The following NHSL1 variants were observed in gnomAD, a reference collection of about 807,000 sequenced individuals.
NHSL1 encodes the protein NHS-like protein 1.
NHSL1 carries 48 observed loss-of-function variants against 95.0 expected under a neutral mutation model. That is an observed-to-expected ratio of 0.51 (90% CI 0.40 to 0.64). The LOEUF (loss-of-function observed/expected upper bound fraction) is 0.64, where lower values mean the gene tolerates loss of function less well. NHSL1 is among the 30% of genes least tolerant of loss of function. NHSL1 has a pLI of 0.00. For synonymous variants in NHSL1, 783 were observed against 833.9 expected, an observed-to-expected ratio of 0.94 and a Z score of 1.05; for missense variants, 1,971 against 2,077.7, an observed-to-expected ratio of 0.95 and a Z score of 1.00.
chr6:138,687,128 C>T (rs1012680761), intron 1 of NHSL1, among the ~76,000 whole-genome samples: 2 of 152,058 alleles, frequency 1.3e-5, no homozygotes, highest in African/African-American at 4.8e-5. Context: ...ACAAAAACAG[C>T]CATACAACCT....
intron 1 of NHSL1, among the ~76,000 whole-genome samples, chr6:138,609,521 T>C (rs1284531319): frequency 1.3e-5 from 2 of 151,894 alleles, no homozygotes; most frequent in Admixed American, 1.3e-4. Flanking sequence ...GAGGCCGAGG[T>C]GGGCGGATCA....
chr6:138,655,720 A>G (rs751919670), intron 1 of NHSL1, among the ~76,000 whole-genome samples: 7 of 152,220 alleles, frequency 4.6e-5, no homozygotes, highest in African/African-American at 7.2e-5. Flanking sequence ...ATGAAGTACT[A>G]CCACTTTGAT....
intron 2 of NHSL1, among the ~76,000 whole-genome samples, chr6:138,486,657 G>C (rs1779749831): frequency 6.6e-6 from 1 of 151,974 alleles, no homozygotes; most frequent in Non-Finnish European, 1.5e-5. Context: ...TTGTTCCCCG[G>C]CTTTGACTCT....
chr6:138,567,411 G>A (rs944609165), intron 1 of NHSL1, among the ~76,000 whole-genome samples: 3 of 152,124 alleles, frequency 2.0e-5, no homozygotes, highest in African/African-American at 4.8e-5. Flanking sequence ...TAACAAGCAT[G>A]AGCCACCACG....
At chr6:138,586,251 C>T (rs778132186) in intron 1 of NHSL1, among the ~76,000 whole-genome samples, 1 of 152,012 alleles carries the variant, frequency 6.6e-6, no homozygotes, top group African/African-American at 2.4e-5. Context: ...CCTACCACAA[C>T]ATCCAGCTAA....
chr6:138,471,906 C>T (rs182260416), intron 3 of NHSL1, among the ~76,000 whole-genome samples: 42 of 152,142 alleles, frequency 2.8e-4, no homozygotes, highest in East Asian at 1.7e-3. Flanking sequence ...AGACCAGGCG[C>T]GGTGACTCAT....
chr6:138,571,966 G>GT (rs1783856533), exon 1 of NHSL1: 5 of 1,475,626 alleles, frequency 3.4e-6, no homozygotes, highest in East Asian at 2.5e-5. Context: ...AAAACGCTGG[G>GT]TTTTTTGCGT....
intron 4 of NHSL1, among the ~76,000 whole-genome samples, chr6:138,442,576 T>A (rs1341040450): frequency 2.0e-5 from 3 of 152,216 alleles, no homozygotes; most frequent in Non-Finnish European, 4.4e-5. Flanking sequence ...TAATAAAGAT[T>A]TCTTGAATGA....
chr6:138,646,790 T>C (rs1785026398), intron 1 of NHSL1, among the ~76,000 whole-genome samples: 1 of 152,194 alleles, frequency 6.6e-6, no homozygotes, highest in African/African-American at 2.4e-5. Flanking sequence ...GTGACTCTGC[T>C]CTCCTGCAGC....
At chr6:138,587,631 G>C (rs558022910) in intron 1 of NHSL1, among the ~76,000 whole-genome samples, 1 of 151,940 alleles carries the variant, frequency 6.6e-6, no homozygotes. Context: ...GTTAAAAGCT[G>C]ATTCTGTGTT....
rs1166987060 is a variant in NHSL1, at chr6:138,570,185, G to A, written c.202+1525C>T. Reference sequence around the variant, plus strand: ...AAATCCTACAGCCTCATGCTCACATGTATACAGTCGTTAACAGAGACTTGA... The same window carrying A: ...AAATCCTACAGCCTCATGCTCACATATATACAGTCGTTAACAGAGACTTGA... On this transcript the variant is annotated intron_variant, in intron 1 of 6. Transcript: ENST00000427025. Among the ~76,000 whole-genome samples, 4 of 152,332 alleles carry A rather than the reference G, an allele frequency of 2.6e-5. No individual in the cohort carries two copies. The East Asian group carries it at 7.7e-4, about 29-fold the overall frequency.
Position 138,649,543 on chromosome 6 carries a change from C to G in NHSL1, c.96+42933G>C, listed in dbSNP as rs150137352. 2.6e-4 allele frequency among the ~76,000 whole-genome samples: 39 copies of G among 151,804 alleles called. No homozygotes were observed. In the East Asian group the frequency reaches 6.8e-3, roughly 26 times the overall value. On this transcript the variant is annotated intron_variant, in intron 1 of 3. Coordinates refer to the NHSL1 transcript ENST00000491526. ...ACTGGACAGGACTAGAGACGCTGAT[C>G]TGCCCAACCTCTGGGTATTCACAAC...
chr6:138,477,863 A>C (rs1779170699), intron 2 of NHSL1, among the ~76,000 whole-genome samples: 1 of 152,080 alleles, frequency 6.6e-6, no homozygotes, highest in Non-Finnish European at 1.5e-5. Context: ...GACACGTGTT[A>C]GATTTTAAAA....
upstream of NHSL1, among the ~76,000 whole-genome samples, chr6:138,572,847 G>GTAGATAGA (rs60380179): frequency 0.14 from 20,269 of 149,748 alleles, 1,561 homozygotes; most frequent in African/African-American, 0.18. Context: ...GCTTAATACA[G>GTAGATAGA]TAGATAGATA....
Position 138,431,188 on chromosome 6 carries a change from G to A in NHSL1, c.3157C>T (p.Pro1053Ser), listed in dbSNP as rs1775627977. The change falls in exon 6 of 8, where the codon CCG becomes TCG. Residue 1053 changes from proline (P) to serine (S), a missense_variant. Around this residue, in one of 3 missense-constraint regions of NHSL1, gnomAD observed 1,602 missense variants for 1,654.5 expected, o/e 0.97. Transcript: ENST00000343505. This position sits in a 1 kb window ranked among gnomAD's most constrained non-coding sequence, Gnocchi z 4.0. ...CTGGTCTCCTCCTTGGTAGAAGGCG[G>A]CCTCAAGGATCCCCGGGAGGATTCT... ...QPESSRGSLRPPSTKEETSRP... is the reference protein window; with the variant it reads ...QPESSRGSLRSPSTKEETSRP... The A allele has an allele frequency of 6.5e-7, 1 of 1,546,426 alleles. No homozygotes were observed. Among genetic ancestry groups the A allele is most frequent in the Non-Finnish European group, 8.7e-7 (1 of 1,143,472 alleles).
At chr6:138,652,011 G>A (rs1261936544) in intron 1 of NHSL1, among the ~76,000 whole-genome samples, 1 of 152,114 alleles carries the variant, frequency 6.6e-6, no homozygotes, top group African/African-American at 2.4e-5. Context: ...CAGAACATTA[G>A]TATTCAATAA....
At chr6:138,646,031 T>C (rs1280507180) in intron 1 of NHSL1, among the ~76,000 whole-genome samples, 2 of 152,224 alleles carry the variant, frequency 1.3e-5, no homozygotes, top group Admixed American at 1.3e-4. Context: ...AAAACTTAAA[T>C]ACAAGCAGTT....
At chr6:138,525,225 C>T (rs907819785) in intron 1 of NHSL1, among the ~76,000 whole-genome samples, 3 of 152,070 alleles carry the variant, frequency 2.0e-5, no homozygotes, top group African/African-American at 2.4e-5. Flanking sequence ...ATGTTTCAGC[C>T]CTATCAAAAA....
At chr6:138,658,711 T>C (rs1785188224) in intron 1 of NHSL1, among the ~76,000 whole-genome samples, 1 of 152,180 alleles carries the variant, frequency 6.6e-6, no homozygotes, top group Non-Finnish European at 1.5e-5. Flanking sequence ...ATATACCCAG[T>C]AGTGGGATTG....
Sources: gnomAD v4.1 joint callset for allele counts (sites outside exome capture counted in the v4.1 genomes callset) on GRCh38, gnomAD v4.1.1 for gene constraint, gnomAD v4.1.1 regional missense constraint, Gnocchi (gnomAD v3.1) non-coding constraint, MANE v1.5 for transcripts, NCBI Gene and HGNC (gene_info 2026-07-23, HGNC 2026-07-21) for gene names.